The following ADGRE3 variants were observed in gnomAD, a reference collection of about 807,000 sequenced individuals.
The protein encoded by ADGRE3 is adhesion G protein-coupled receptor E3, also known as EGF-like module receptor 3.
A neutral mutation model predicts 80.1 loss-of-function variants in ADGRE3; 88 were observed. The observed-to-expected ratio is 1.10, with a 90% CI of 0.93 to 1.31. The LOEUF (loss-of-function observed/expected upper bound fraction) is 1.31. Among genes scored for constraint, ADGRE3 ranks in the 40% most tolerant of loss-of-function variants. ADGRE3 has a pLI of 0.00. For missense variants in ADGRE3, 715 were observed against 776.5 expected, an observed-to-expected ratio of 0.92 and a Z score of 0.94; for synonymous variants, 281 against 294.8, an observed-to-expected ratio of 0.95 and a Z score of 0.48.
downstream of ADGRE3, among the ~76,000 whole-genome samples, chr19:14,614,648 C>T (rs1475906184): frequency 2.0e-5 from 3 of 150,528 alleles, no homozygotes; most frequent in African/African-American, 7.3e-5. Context: ...GTGATCTCGG[C>T]TCACTGCAAC....
intron 9 of ADGRE3, among the ~76,000 whole-genome samples, chr19:14,642,768 T>C (rs1262975715): frequency 6.6e-6 from 1 of 152,258 alleles, no homozygotes; most frequent in African/African-American, 2.4e-5. Context: ...TTTTTATGGC[T>C]GCATAGTATT....
chr19:14,668,215 C>T (rs867670552), intron 2 of ADGRE3, among the ~76,000 whole-genome samples: 8 of 152,060 alleles, frequency 5.3e-5, no homozygotes, highest in Admixed American at 1.3e-4. Context: ...GGCACCACTG[C>T]ACTCCAGCCT....
chr19:14,641,753 C>T (rs1971258692), intron 9 of ADGRE3, 137 bp from the exon 10 acceptor site: 1 of 998,566 alleles, frequency 1.0e-6, no homozygotes, highest in Admixed American at 2.1e-5. Context: ...ATGTAGATTG[C>T]TAATGTAGAC....
At chr19:14,666,907 T>C (rs1972121052) in intron 2 of ADGRE3, among the ~76,000 whole-genome samples, 1 of 152,206 alleles carries the variant, frequency 6.6e-6, no homozygotes, top group Non-Finnish European at 1.5e-5. Flanking sequence ...CTGAGTATAC[T>C]GGTTTAAATA....
At chr19:14,625,225 C>T (rs1568474199) in intron 15 of ADGRE3, among the ~76,000 whole-genome samples, 1 of 152,090 alleles carries the variant, frequency 6.6e-6, no homozygotes, top group Non-Finnish European at 1.5e-5. Context: ...GGTGATGCAC[C>T]CACCTTGGCC....
intron 2 of ADGRE3, among the ~76,000 whole-genome samples, chr19:14,665,216 A>G (rs1177263358): frequency 6.6e-6 from 1 of 151,452 alleles, no homozygotes; most frequent in Non-Finnish European, 1.5e-5. Flanking sequence ...GGTGCCCGCC[A>G]CCACGCCCGG....
At chr19:14,661,763 C>A (rs1035878945) in intron 4 of ADGRE3, among the ~76,000 whole-genome samples, 200 bp downstream of exon 4, 1 of 152,024 alleles carries the variant, frequency 6.6e-6, no homozygotes, top group South Asian at 2.1e-4. Flanking sequence ...AGCTGGGCGT[C>A]GTGGTGCACG....
At chr19:14,643,965 C>A in intron 9 of ADGRE3, 143 bp downstream of exon 9, 1 of 479,982 alleles carries the variant, frequency 2.1e-6, no homozygotes, top group Non-Finnish European at 3.4e-6. Context: ...CCCGTCTTGG[C>A]CTCCCAAAGT....
intron 13 of ADGRE3, among the ~76,000 whole-genome samples, 188 bp downstream of exon 13, chr19:14,632,733 T>A (rs1275022580): frequency 1.3e-5 from 2 of 149,178 alleles, no homozygotes; most frequent in East Asian, 3.9e-4. Context: ...TTTTTTGAGA[T>A]TTTTTCTTTA....
chr19:14,616,616 C>T (rs552349007), downstream of ADGRE3, among the ~76,000 whole-genome samples: 2 of 151,660 alleles, frequency 1.3e-5, no homozygotes, highest in East Asian at 3.9e-4. Context: ...AATGTTGACC[C>T]AGCGGTCAAG....
rs1971797372 is a variant in ADGRE3, at chr19:14,657,402, C to A, written c.393+1111G>T. 2.6e-5 allele frequency among the ~76,000 whole-genome samples: 4 copies of A among 151,926 alleles called. No homozygotes were observed. In the South Asian group the frequency reaches 8.3e-4, roughly 32 times the overall value. On this transcript the variant is annotated intron_variant, in intron 5 of 15. Coordinates refer to ENST00000253673, the MANE Select transcript of ADGRE3 (RefSeq NM_032571.5). ...ATGTCTTTTGCAGCAGTGCAGCAGG[C>A]CTTAATATACTCTCTCTTGGCCTGT...
At chr19:14,610,503 CTAGCCCTGAGG>C in the ADGRE3 span, 1 of 327,792 alleles carries the variant, frequency 3.1e-6, no homozygotes, top group African/African-American at 2.1e-5. Flanking sequence ...GGAAGTGATA[CTAGCCCTGAGG>C]ACCCTGGGGC....
the ADGRE3 span, among the ~76,000 whole-genome samples, chr19:14,612,481 T>C: frequency 2.6e-5 from 4 of 152,008 alleles, no homozygotes; most frequent in Non-Finnish European, 5.9e-5. Context: ...ATTACAGGTG[T>C]GCACCACCGT....
intron 13 of ADGRE3, 129 bp downstream of exon 13, chr19:14,632,792 G>T: frequency 8.6e-6 from 5 of 581,858 alleles, no homozygotes; most frequent in Non-Finnish European, 1.6e-5. Flanking sequence ...CTCATTAACT[G>T]TGATGGTGGA....
rs905647909 is a variant in ADGRE3 at position 14,628,066 on chromosome 19, C to T, written c.1812+1973G>A. Reference sequence around the variant, plus strand: ...TCACTTGAACCCGGGAGGCAGATGTCGTGGTGGGCTGAGGTCGTGCCATTG... The same window carrying T: ...TCACTTGAACCCGGGAGGCAGATGTTGTGGTGGGCTGAGGTCGTGCCATTG... On this transcript the variant is annotated intron_variant, in intron 14 of 15. Transcript: ENST00000253673. 3.3e-5 allele frequency among the ~76,000 whole-genome samples: 5 copies of T among 151,842 alleles called. 1 individual carries two copies. The highest frequency in any genetic ancestry group is 4.2e-4 in the South Asian group (2 of 4,808).
downstream of ADGRE3, among the ~76,000 whole-genome samples, chr19:14,617,359 T>TC: frequency 8.7e-6 from 1 of 114,776 alleles, no homozygotes; most frequent in African/African-American, 3.3e-5. Context: ...TCTTTCTTTC[T>TC]TTCTTTCTTT....
intron 1 of ADGRE3, among the ~76,000 whole-genome samples, chr19:14,672,957 C>T (rs1972295123): frequency 6.6e-6 from 1 of 152,146 alleles, no homozygotes; most frequent in South Asian, 2.1e-4. Flanking sequence ...ATCACCCTTG[C>T]CTGTACCATC....
At chr19:14,632,234 C>T (rs944111751) in intron 13 of ADGRE3, among the ~76,000 whole-genome samples, 1 of 152,116 alleles carries the variant, frequency 6.6e-6, no homozygotes, top group Non-Finnish European at 1.5e-5. Context: ...TTACCAGATT[C>T]ATTTTTAGGG....
downstream of ADGRE3, among the ~76,000 whole-genome samples, chr19:14,618,171 ATATC>A (rs1400657098): frequency 4.7e-4 from 71 of 152,180 alleles, no homozygotes; most frequent in Non-Finnish European, 9.0e-4. Context: ...GTTTTGAAAT[ATATC>A]TACATCGTGG....
Sources: gnomAD v4.1 joint callset for allele counts (sites outside exome capture counted in the v4.1 genomes callset) on GRCh38, gnomAD v4.1.1 for gene constraint, MANE v1.5 for transcripts, NCBI Gene and HGNC (gene_info 2026-07-23, HGNC 2026-07-21) for gene names.